TTL: variants seen among roughly 807,000 people sequenced by gnomAD.
TTL encodes the protein tubulin--tyrosine ligase.
Under a neutral mutation model 41.1 loss-of-function variants are expected in TTL, and 10 were observed. The observed-to-expected ratio is 0.24, with a 90% CI of 0.15 to 0.41. The LOEUF (loss-of-function observed/expected upper bound fraction) is 0.41, where lower values mean the gene tolerates loss of function less well. TTL is among the 10% of genes least tolerant of loss of function. The probability of loss-of-function intolerance (pLI) is 1.00; values close to 1 mark genes in which losing one functional copy is unlikely to be tolerated. For missense variants in TTL, 367 were observed against 460.4 expected (o/e 0.80, Z 1.86); for synonymous variants, 175 against 175.5 (o/e 1.00, Z 0.02).
chr2:112,502,732 AACTC>A (rs1362871241), intron 4 of TTL, among the ~76,000 whole-genome samples, 176 bp from the exon 5 acceptor site: 1 of 152,082 alleles, frequency 6.6e-6, no homozygotes, highest in East Asian at 1.9e-4. Context: ...TTGTAGTGAT[AACTC>A]ACTATCTTAG....
intron 3 of TTL, among the ~76,000 whole-genome samples, chr2:112,499,186 A>G (rs1681621427): frequency 6.6e-6 from 1 of 152,094 alleles, no homozygotes; most frequent in African/African-American, 2.4e-5. Context: ...GTGGTGGCGC[A>G]TGCCTGTACT....
At chr2:112,490,515 A>C (rs1043686080) in intron 2 of TTL, among the ~76,000 whole-genome samples, 2 of 152,152 alleles carry the variant, frequency 1.3e-5, no homozygotes, top group Non-Finnish European at 2.9e-5. Flanking sequence ...TATGTATCAT[A>C]CAATAAAATG....
At chr2:112,496,626 T>A (rs1681530842) in intron 3 of TTL, among the ~76,000 whole-genome samples, 1 of 151,790 alleles carries the variant, frequency 6.6e-6, no homozygotes, top group Non-Finnish European at 1.5e-5. Flanking sequence ...CCCTTGTTTC[T>A]TTTTTAATTT....
At chr2:112,488,120 C>G (rs998793629) in intron 2 of TTL, among the ~76,000 whole-genome samples, 2 of 152,184 alleles carry the variant, frequency 1.3e-5, no homozygotes, top group Admixed American at 1.3e-4. Flanking sequence ...CCTGTCACTT[C>G]AGGGAGTTTC....
chr2:112,494,083 C>G (rs1306183589), intron 2 of TTL, 60 bp from the exon 3 acceptor site: 2 of 1,393,622 alleles, frequency 1.4e-6, no homozygotes, highest in East Asian at 4.6e-5. Flanking sequence ...AGTGGCCTTT[C>G]TGAAGGGAGT....
chr2:112,503,647 G>C lies in TTL; in HGVS notation c.875+466G>C, dbSNP rs567794847. 9.7e-4 allele frequency among the ~76,000 whole-genome samples: 131 copies of C among 135,208 alleles called. 1 individual carries two copies. Among genetic ancestry groups the C allele is most frequent in the African/African-American group, 3.6e-3 (129 of 36,134 alleles). 88.7% of individuals were successfully genotyped at this position (135,208 alleles called of 152,430 possible). ...AGGGTTTCTCCATGTTGGTCAGTCT[G>C]GTCTTGAACTCTTTTTTTTTTTTTT... On this transcript the variant is annotated intron_variant, in intron 5 of 6. Transcript: ENST00000233336.
rs1682538563 is a variant in TTL, at chr2:112,532,845, C to A, written c.*4050C>A. ...CCAGGATGTTACCCAATACATAAGCCAACAGATTGTCCTTCAAAACTGATG... is the reference window on the plus strand; with the variant it reads ...CCAGGATGTTACCCAATACATAAGCAAACAGATTGTCCTTCAAAACTGATG... On this transcript the variant is annotated 3_prime_UTR_variant, in exon 7 of 7. Coordinates refer to ENST00000233336, the MANE Select transcript of TTL (RefSeq NM_153712.5). 6.6e-6 allele frequency: 1 copy of A among 152,576 alleles called. No individual in the cohort carries two copies. The highest frequency in any genetic ancestry group is 2.4e-5 in the African/African-American group (1 of 41,412). 9.5% of individuals were successfully genotyped at this position (152,576 alleles called of 1,614,324 possible). A position where few individuals can be genotyped will look rare whatever the true frequency, so the allele number is the denominator to read the frequency against.
At chr2:112,493,636 AT>A (rs971121432) in intron 2 of TTL, among the ~76,000 whole-genome samples, 54 of 152,306 alleles carry the variant, frequency 3.5e-4, no homozygotes, top group Middle Eastern at 3.4e-3. Flanking sequence ...CGTTAGAAAA[AT>A]ACCTTTTTTA....
Position 112,482,596 on chromosome 2 carries a change from A to G in TTL, c.157+95A>G. 7.4e-7 allele frequency: 1 copy of G among 1,355,358 alleles called. No individual in the cohort carries two copies. Among genetic ancestry groups the G allele is most frequent in the Non-Finnish European group, 9.8e-7 (1 of 1,021,100 alleles). The allele number at this position is 1,355,358 out of a possible 1,614,324, so 84.0% of individuals were successfully genotyped here. A position where few individuals can be genotyped will look rare whatever the true frequency, so the allele number is the denominator to read the frequency against. On this transcript the variant is annotated intron_variant, in intron 1 of 6. Coordinates refer to ENST00000233336, the MANE Select transcript of TTL (RefSeq NM_153712.5). This position sits in a 1 kb window ranked among gnomAD's most constrained non-coding sequence, Gnocchi z 5.3. ...ACCGGCGCTTTTGTTTTTAAAGGTC[A>G]TACATTTTCTCCTCTGTCGCTTGTC...
intron 5 of TTL, among the ~76,000 whole-genome samples, chr2:112,515,771 C>A (rs985906817): frequency 3.3e-5 from 5 of 152,036 alleles, no homozygotes; most frequent in African/African-American, 1.2e-4. Context: ...CACGGTGAAA[C>A]CTCGTCTCTA....
intron 2 of TTL, among the ~76,000 whole-genome samples, chr2:112,491,193 G>A (rs946445926): frequency 3.3e-5 from 5 of 151,816 alleles, no homozygotes; most frequent in South Asian, 2.1e-4. Flanking sequence ...GGGTTTCACC[G>A]CGTTAGCCAG....
At chr2:112,523,273 C>T (rs754086052) in intron 6 of TTL, among the ~76,000 whole-genome samples, 2 of 152,100 alleles carry the variant, frequency 1.3e-5, no homozygotes, top group Admixed American at 1.3e-4. Context: ...TAGGCAGAGC[C>T]TTTGCAGTTT....
chr2:112,483,520 T>C (rs1681152875), intron 1 of TTL: 1 of 152,262 alleles, frequency 6.6e-6, no homozygotes, highest in South Asian at 2.1e-4. Context: ...AAGAGTCACC[T>C]CTACCTTGGA....
rs542964261 is a variant in TTL at position 112,531,567 on chromosome 2, C to T, written c.*2772C>T. 3.0e-5 allele frequency: 7 copies of T among 229,622 alleles called. No individual in the cohort carries two copies. The highest frequency in any genetic ancestry group is 3.6e-4 in the South Asian group (2 of 5,500). The allele number at this position is 229,622 out of a possible 1,614,324, so 14.2% of individuals were successfully genotyped here. ...TGTTAGTGCCCACTCTTCCCCTGTA[C>T]CCCCGGACAGTTAAATCAGAACCTC... On this transcript the variant is annotated 3_prime_UTR_variant, in exon 7 of 7. Coordinates refer to ENST00000233336, the MANE Select transcript of TTL (RefSeq NM_153712.5).
At position 112,482,324 on chromosome 2, in the gene TTL, C is replaced by G. The variant is rs1681111622; in HGVS notation, c.-21C>G. ...GTCCCTGCGGCGGCTGCCCGGCGGC[C>G]CGGGCGCGCGGCGCTTCGCCATGTA... On this transcript the variant is annotated 5_prime_UTR_variant, in exon 1 of 7. Coordinates refer to ENST00000233336, the MANE Select transcript of TTL (RefSeq NM_153712.5). The surrounding 1 kb of genome is among the most constrained non-coding windows in gnomAD (Gnocchi z 5.3). The G allele has an allele frequency of 6.7e-7, 1 of 1,483,860 alleles. No individual in the cohort carries two copies. The highest frequency in any genetic ancestry group is 9.0e-7 in the Non-Finnish European group (1 of 1,111,820). The allele number at this position is 1,483,860 out of a possible 1,614,324, so 91.9% of individuals were successfully genotyped here. A position where few individuals can be genotyped will look rare whatever the true frequency, so the allele number is the denominator to read the frequency against.
At chr2:112,495,068 TG>T (rs1177477365) in intron 3 of TTL, among the ~76,000 whole-genome samples, 1 of 152,234 alleles carries the variant, frequency 6.6e-6, no homozygotes, top group Non-Finnish European at 1.5e-5. Context: ...CCCATATCTC[TG>T]ATCTCATCTC....
chr2:112,533,520 A>T lies in TTL; in HGVS notation c.*4725A>T, dbSNP rs1244248979. 6.6e-6 allele frequency: 1 copy of T among 152,248 alleles called. No individual in the cohort carries two copies. The highest frequency in any genetic ancestry group is 1.9e-4 in the East Asian group (1 of 5,202). The allele number at this position is 152,248 out of a possible 1,614,324, so 9.4% of individuals were successfully genotyped here. On this transcript the variant is annotated 3_prime_UTR_variant, in exon 7 of 7. Coordinates refer to ENST00000233336, the MANE Select transcript of TTL (RefSeq NM_153712.5). ...TTGCCATAACAGAATGTTACAGAGAAGTGTATGTGGCTCACGGTTCTGGAG... is the reference window on the plus strand; with the variant it reads ...TTGCCATAACAGAATGTTACAGAGATGTGTATGTGGCTCACGGTTCTGGAG...
chr2:112,499,913 T>C (rs2458987), intron 3 of TTL, among the ~76,000 whole-genome samples: 4 of 152,356 alleles, frequency 2.6e-5, no homozygotes, highest in Admixed American at 6.5e-5. Flanking sequence ...TATATGTTCA[T>C]AAAAACTTGT....
In TTL at chr2:112,482,487, C is replaced by G. The variant is rs1216959406; in HGVS notation, c.143C>G (p.Pro48Arg). The change falls in exon 1 of 7, where the codon CCC (proline) becomes CGC (arginine). Residue 48 changes from proline (P) to arginine (R), a missense_variant. Transcript: ENST00000233336. The surrounding 1 kb of genome is among the most constrained non-coding windows in gnomAD (Gnocchi z 5.3). ...NLMLGERNRLPFGRLGHEPGL... is the reference protein window; with the variant it reads ...NLMLGERNRLRFGRLGHEPGL... ...ATGCTGGGAGAGAGGAATCGGCTGCCCTTCGGGAGACTGGGTGAGCCCCTC... is the reference window on the plus strand; with the variant it reads ...ATGCTGGGAGAGAGGAATCGGCTGCGCTTCGGGAGACTGGGTGAGCCCCTC... 6.2e-7 allele frequency: 1 copy of G among 1,608,218 alleles called. No individual in the cohort carries two copies. Among genetic ancestry groups the G allele is most frequent in the Admixed American group, 1.7e-5 (1 of 59,554 alleles).
Sources: allele counts gnomAD v4.1 joint callset (sites outside exome capture counted in the v4.1 genomes callset), GRCh38; gene constraint gnomAD v4.1.1; non-coding constraint Gnocchi (gnomAD v3.1); transcripts MANE v1.5; gene names NCBI Gene and HGNC (gene_info 2026-07-23, HGNC 2026-07-21).